The following ARHGAP18 variants were observed in gnomAD, a reference collection of about 807,000 sequenced individuals.
ARHGAP18 encodes the protein rho GTPase-activating protein 18.
In ARHGAP18, 67 loss-of-function variants were observed where a neutral mutation model predicts 86.2. That is an observed-to-expected ratio of 0.78 (90% confidence interval 0.64 to 0.95). ARHGAP18 has a LOEUF of 0.95. ARHGAP18 is among the 40% of genes least tolerant of loss of function. ARHGAP18 has a pLI of 0.00. For synonymous variants in ARHGAP18, 283 were observed against 280.4 expected, an observed-to-expected ratio of 1.01 and a Z score of -0.09; for missense variants, 691 against 780.4, an observed-to-expected ratio of 0.89 and a Z score of 1.37.
intron 5 of ARHGAP18, among the ~76,000 whole-genome samples, chr6:129,619,128 C>G (rs377113721): frequency 1.1e-4 from 16 of 143,750 alleles, no homozygotes; most frequent in East Asian, 4.2e-4. Context: ...ACAAGAGAGA[C>G]AGTGAACCAG....
At chr6:129,668,993 G>A (rs1441530554) in intron 1 of ARHGAP18, among the ~76,000 whole-genome samples, 2 of 152,180 alleles carry the variant, frequency 1.3e-5, no homozygotes, top group Non-Finnish European at 2.9e-5. Flanking sequence ...TTGCATGGCT[G>A]TTAAGAGGAC....
In ARHGAP18 at chr6:129,673,290, C is replaced by T. The variant is rs1347332979; in HGVS notation, c.114-31272G>A. Among the ~76,000 whole-genome samples the T allele has an allele frequency of 9.3e-5, 14 of 149,998 alleles. No individual in the cohort carries two copies. In the Admixed American group the frequency reaches 9.3e-4, roughly 10 times the overall value. On this transcript the variant is annotated intron_variant, in intron 1 of 14. Coordinates refer to ENST00000368149, the MANE Select transcript of ARHGAP18 (RefSeq NM_033515.3). ...CTATTTCCCTTGTTAATTTCTTTCTCATTTTTTTTTCCCCAAGTCAAAAGC... is the reference window on the plus strand; with the variant it reads ...CTATTTCCCTTGTTAATTTCTTTCTTATTTTTTTTTCCCCAAGTCAAAAGC...
Position 129,625,655 on chromosome 6 carries a change from TTATA to T in ARHGAP18, c.786+3694_786+3697del, listed in dbSNP as rs1275293810. Among the ~76,000 whole-genome samples the T allele has an allele frequency of 2.6e-5, 2 of 77,632 alleles. 1 individual carries two copies. The highest frequency in any genetic ancestry group is 1.1e-4 in the African/African-American group (2 of 18,906). 50.9% of individuals were successfully genotyped at this position (77,632 alleles called of 152,430 possible). A position where few individuals can be genotyped will look rare whatever the true frequency, so the allele number is the denominator to read the frequency against. On this transcript the variant is annotated intron_variant, in intron 5 of 14. Coordinates refer to ENST00000368149, the MANE Select transcript of ARHGAP18 (RefSeq NM_033515.3). ...TATATTTATATTATATATTTATATA[TTATA>T]TATATTTATATTATATTATATATAT...
At chr6:129,599,103 C>T in intron 12 of ARHGAP18, 113 bp downstream of exon 12, 1 of 881,322 alleles carries the variant, frequency 1.1e-6, no homozygotes, top group Non-Finnish European at 1.6e-6. Flanking sequence ...ACAAGTAGCA[C>T]CACAGCCTAA....
At chr6:129,625,361 G>A (rs62647893) in intron 5 of ARHGAP18, among the ~76,000 whole-genome samples, 47,996 of 51,228 alleles carry the variant, frequency 0.94, 22,609 homozygotes, top group East Asian at 0.99. Context: ...TATATATTAT[G>A]TATATTTATA....
chr6:129,600,977 C>G, intron 10 of ARHGAP18, 129 bp from the exon 11 acceptor site: 5 of 740,762 alleles, frequency 6.7e-6, no homozygotes, highest in Non-Finnish European at 1.1e-5. Context: ...CTAATCACAT[C>G]CAGCAGGCCC....
chr6:129,622,530 A>G (rs1174141118), intron 5 of ARHGAP18, among the ~76,000 whole-genome samples: 2 of 152,168 alleles, frequency 1.3e-5, no homozygotes, highest in South Asian at 4.1e-4. Flanking sequence ...CATTGTGCTT[A>G]ATGAAGGAGT....
chr6:129,660,075 A>T (rs1246844673), intron 1 of ARHGAP18, among the ~76,000 whole-genome samples: 1 of 152,206 alleles, frequency 6.6e-6, no homozygotes, highest in Non-Finnish European at 1.5e-5. Flanking sequence ...AGAAGGCACC[A>T]GATAGGGGGT....
intron 13 of ARHGAP18, among the ~76,000 whole-genome samples, chr6:129,581,300 G>T (rs925908105): frequency 6.6e-6 from 1 of 152,204 alleles, no homozygotes; most frequent in Non-Finnish European, 1.5e-5. Context: ...ACACTGGACA[G>T]TCAGGGCTCT....
intron 1 of ARHGAP18, among the ~76,000 whole-genome samples, chr6:129,679,976 C>T (rs1333974087): frequency 6.6e-6 from 1 of 152,196 alleles, no homozygotes; most frequent in Admixed American, 6.5e-5. Context: ...GCCGTGGCCA[C>T]ATGACTTCAA....
At chr6:129,683,850 G>A (rs1200200367) in intron 1 of ARHGAP18, among the ~76,000 whole-genome samples, 2 of 152,194 alleles carry the variant, frequency 1.3e-5, no homozygotes, top group Non-Finnish European at 2.9e-5. Context: ...AAAGTAACGT[G>A]GAGGTGTAAC....
intron 12 of ARHGAP18, among the ~76,000 whole-genome samples, chr6:129,587,318 C>T (rs1788415212): frequency 6.6e-6 from 1 of 152,108 alleles, no homozygotes; most frequent in Non-Finnish European, 1.5e-5. Context: ...AAGTGTGTTA[C>T]AAGAGATAAT....
chr6:129,671,606 C>T (rs1277895140), intron 1 of ARHGAP18, among the ~76,000 whole-genome samples: 1 of 152,094 alleles, frequency 6.6e-6, no homozygotes, highest in African/African-American at 2.4e-5. Flanking sequence ...ACTCGGGAGG[C>T]TGAGGTGGGA....
chr6:129,637,686 C>T (rs189794941), intron 3 of ARHGAP18, among the ~76,000 whole-genome samples: 2 of 152,294 alleles, frequency 1.3e-5, no homozygotes, highest in Non-Finnish European at 2.9e-5. Flanking sequence ...AAGGCAAACA[C>T]AAAGCTGTAA....
At chr6:129,664,563 G>A (rs181117357) in intron 1 of ARHGAP18, among the ~76,000 whole-genome samples, 34 of 152,064 alleles carry the variant, frequency 2.2e-4, no homozygotes, top group Admixed American at 3.9e-4. Flanking sequence ...TTTGCAACTT[G>A]GTTTCATCAT....
rs767734533 is a variant in ARHGAP18, at chr6:129,629,515, T to C, written c.624A>G (p.Ala208=). 2 of 1,611,970 alleles carry C rather than the reference T, an allele frequency of 1.2e-6. No individual in the cohort carries two copies. Among genetic ancestry groups the C allele is most frequent in the South Asian group, 1.1e-5 (1 of 90,618 alleles). The change falls in exon 5 of 15, where the codon GCA becomes GCG. Residue 208 remains alanine, a synonymous_variant. Transcript: ENST00000368149. ...ENKYQGRDDE[A]SNLVGEEKLI... Reference sequence around the variant, plus strand: ...GCTTCTCTTCACCAACAAGGTTAGATGCCTCGTCTAGGGGCCCGGGGGGAA... The same window carrying C: ...GCTTCTCTTCACCAACAAGGTTAGACGCCTCGTCTAGGGGCCCGGGGGGAA...
At chr6:129,580,659 G>T (rs1276212198) in intron 13 of ARHGAP18, among the ~76,000 whole-genome samples, 1 of 152,176 alleles carries the variant, frequency 6.6e-6, no homozygotes, top group Non-Finnish European at 1.5e-5. Flanking sequence ...GGCCAAAGCA[G>T]GTAGATCGCT....
chr6:129,623,657 TA>T (rs1159077819), intron 5 of ARHGAP18, among the ~76,000 whole-genome samples: 10 of 152,042 alleles, frequency 6.6e-5, no homozygotes, highest in Admixed American at 6.6e-4. Flanking sequence ...TGCCTCAGAG[TA>T]GTGAATACAA....
intron 5 of ARHGAP18, among the ~76,000 whole-genome samples, chr6:129,622,118 A>C (rs1170080814): frequency 6.6e-6 from 1 of 152,164 alleles, no homozygotes; most frequent in Non-Finnish European, 1.5e-5. Flanking sequence ...GTCATGGTCC[A>C]CTAAATGAAT....
Sources: allele counts gnomAD v4.1 joint callset (sites outside exome capture counted in the v4.1 genomes callset), GRCh38; gene constraint gnomAD v4.1.1; transcripts MANE v1.5; gene names NCBI Gene and HGNC (gene_info 2026-07-23, HGNC 2026-07-21).